Variants in SPMAP2L observed in about 807,000 individuals in gnomAD.
SPMAP2L encodes sperm microtubule associated protein 2-like.
chr4:56,555,809 A>G, the SPMAP2L span, among the ~76,000 whole-genome samples: 12 of 152,144 alleles, frequency 7.9e-5, no homozygotes, highest in African/African-American at 2.6e-4. Flanking sequence ...TTAATGCTGT[A>G]TCTTGCAACT....
the SPMAP2L span, chr4:56,595,367 T>G: frequency 3.7e-6 from 6 of 1,604,298 alleles, no homozygotes; most frequent in Non-Finnish European, 5.1e-6. Context: ...GGGACCCTCA[T>G]GGTTGAGCCC....
At chr4:56,575,732 A>G in the SPMAP2L span, 2 of 1,280,378 alleles carry the variant, frequency 1.6e-6, no homozygotes, top group Non-Finnish European at 2.1e-6. Flanking sequence ...GTGCAATTTC[A>G]TGAGCTAAGA....
the SPMAP2L span, among the ~76,000 whole-genome samples, chr4:56,600,097 C>CTTTCTTTTTTTTTTTTTTTTTTTTTTT: frequency 1.1e-5 from 1 of 87,782 alleles, no homozygotes; most frequent in Non-Finnish European, 2.1e-5. Flanking sequence ...TCTTTGCTTT[C>CTTTCTTTTTTTTTTTTTTTTTTTTTTT]TTTTTTTTTT....
At chr4:56,609,829 C>T in the SPMAP2L span, among the ~76,000 whole-genome samples, 1 of 152,140 alleles carries the variant, frequency 6.6e-6, no homozygotes, top group African/African-American at 2.4e-5. Context: ...ATTGAATCTT[C>T]CAGTGTCTTG....
At chr4:56,575,948 T>C in the SPMAP2L span, among the ~76,000 whole-genome samples, 1 of 152,224 alleles carries the variant, frequency 6.6e-6, no homozygotes, top group Non-Finnish European at 1.5e-5. Context: ...TTTGTTCTCC[T>C]GTATCTCTCT....
chr4:56,531,381 AC>A, the SPMAP2L span, among the ~76,000 whole-genome samples: 1 of 151,976 alleles, frequency 6.6e-6, no homozygotes, highest in African/African-American at 2.4e-5. Flanking sequence ...GGAAACTGAC[AC>A]CCTGATAATG....
chr4:56,612,778 G>T, the SPMAP2L span, among the ~76,000 whole-genome samples: 2 of 151,998 alleles, frequency 1.3e-5, no homozygotes, highest in South Asian at 4.2e-4. Context: ...TGTTGGCCAG[G>T]CTGGTCTCGA....
chr4:56,553,615 C>G, the SPMAP2L span, among the ~76,000 whole-genome samples: 2 of 150,470 alleles, frequency 1.3e-5, no homozygotes, highest in Admixed American at 1.3e-4. Context: ...TTAGTTTTTC[C>G]TACTACTAAC....
the SPMAP2L span, among the ~76,000 whole-genome samples, chr4:56,583,160 G>GCC: frequency 1.3e-5 from 2 of 152,062 alleles, no homozygotes; most frequent in Non-Finnish European, 2.9e-5. Flanking sequence ...TGTAATCCGA[G>GCC]CTACTTGGGA....
the SPMAP2L span, chr4:56,594,338 A>G: frequency 1.3e-6 from 2 of 1,530,128 alleles, no homozygotes; most frequent in African/African-American, 1.4e-5. Context: ...CTGCACCATG[A>G]AACTGAACAG....
chr4:56,551,444 C>T, the SPMAP2L span, among the ~76,000 whole-genome samples: 3,147 of 152,204 alleles, frequency 0.021, 110 homozygotes, highest in African/African-American at 0.066. Flanking sequence ...TACTCTCTAT[C>T]ACATAGCAAG....
chr4:56,613,520 C>T, the SPMAP2L span, among the ~76,000 whole-genome samples: 17 of 152,146 alleles, frequency 1.1e-4, no homozygotes, highest in East Asian at 9.6e-4. Context: ...AGGATGGCTG[C>T]GACTCAGGCA....
chr4:56,622,660 C>T, the SPMAP2L span, among the ~76,000 whole-genome samples: 35 of 152,296 alleles, frequency 2.3e-4, no homozygotes, highest in Non-Finnish European at 4.3e-4. Flanking sequence ...TCAACTCCCT[C>T]TCTGTGGTGG....
the SPMAP2L span, among the ~76,000 whole-genome samples, chr4:56,596,976 A>T: frequency 7.2e-4 from 110 of 152,346 alleles, no homozygotes; most frequent in East Asian, 0.02. Flanking sequence ...TTGGAGCTCT[A>T]TGCTAATCAG....
the SPMAP2L span, among the ~76,000 whole-genome samples, chr4:56,587,042 G>C: frequency 2.6e-5 from 4 of 152,034 alleles, no homozygotes; most frequent in Non-Finnish European, 5.9e-5. Flanking sequence ...AAATTTAAAA[G>C]TTGATTTTTC....
At chr4:56,569,034 CCA>C in the SPMAP2L span, among the ~76,000 whole-genome samples, 7 of 152,222 alleles carry the variant, frequency 4.6e-5, no homozygotes, top group African/African-American at 1.7e-4. Flanking sequence ...TATGGCTTTG[CCA>C]CATTTTATTT....
chr4:56,533,038 G>C, the SPMAP2L span, among the ~76,000 whole-genome samples: 2 of 152,100 alleles, frequency 1.3e-5, no homozygotes, highest in African/African-American at 2.4e-5. Flanking sequence ...ACTATCTTAT[G>C]TCCTGCTGTC....
chr4:56,621,162 ATTAAT>A, the SPMAP2L span, among the ~76,000 whole-genome samples: 3 of 150,746 alleles, frequency 2.0e-5, no homozygotes, highest in Admixed American at 6.6e-5. Flanking sequence ...TTACTGTACT[ATTAAT>A]TTAGGAGACT....
the SPMAP2L span, among the ~76,000 whole-genome samples, chr4:56,563,700 G>T: frequency 6.6e-6 from 1 of 152,066 alleles, no homozygotes; most frequent in Non-Finnish European, 1.5e-5. Flanking sequence ...AGATAGTAAA[G>T]TTAGCCACAC....
Sources: allele counts gnomAD v4.1 joint callset (sites outside exome capture counted in the v4.1 genomes callset), GRCh38; gene constraint gnomAD v4.1.1; transcripts MANE v1.5; gene names NCBI Gene and HGNC (gene_info 2026-07-23, HGNC 2026-07-21).